Variants in LEF1 observed in about 807,000 individuals in gnomAD.
The protein encoded by LEF1 is lymphoid enhancer binding factor 1, also known as lymphoid enhancer-binding factor 1.
LEF1 carries 14 observed loss-of-function variants against 51.2 expected under a neutral mutation model. The ratio of observed to expected loss-of-function variants is 0.27; its 90% CI spans 0.18 to 0.43. The LOEUF is 0.43. LEF1 is among the 20% of genes least tolerant of loss of function. The probability of loss-of-function intolerance (pLI) is 1.00; values close to 1 mark genes in which losing one functional copy is unlikely to be tolerated. For missense variants in LEF1, 386 were observed against 512.0 expected, an observed-to-expected ratio of 0.75 and a Z score of 2.37; for synonymous variants, 185 against 183.2, an observed-to-expected ratio of 1.01 and a Z score of -0.08.
At chr4:108,095,615 T>C (rs936723732) in intron 3 of LEF1, among the ~76,000 whole-genome samples, 4 of 152,102 alleles carry the variant, frequency 2.6e-5, no homozygotes, top group African/African-American at 9.7e-5. Context: ...AAAACTGATA[T>C]TACCAGAGGC....
chr4:108,142,330 G>A (rs944892938), intron 3 of LEF1, among the ~76,000 whole-genome samples: 3 of 152,180 alleles, frequency 2.0e-5, no homozygotes, highest in African/African-American at 7.2e-5. Flanking sequence ...GGAAGAACAG[G>A]AAAGTCAAAG....
chr4:108,144,057 G>C (rs2110379072), intron 3 of LEF1, among the ~76,000 whole-genome samples: 1 of 152,276 alleles, frequency 6.6e-6, no homozygotes, highest in Middle Eastern at 3.4e-3. Context: ...CCTCAGAGGT[G>C]AGGAGTGGGG....
At chr4:108,149,351 C>T (rs1236281164) in intron 3 of LEF1, among the ~76,000 whole-genome samples, 7 of 145,352 alleles carry the variant, frequency 4.8e-5, no homozygotes, top group East Asian at 2.0e-4. Context: ...CCCGGCTACT[C>T]GGGAGGCTGA....
chr4:108,048,784 T>G, intron 11 of LEF1, 33 bp from the exon 12 acceptor site: 2 of 1,529,556 alleles, frequency 1.3e-6, no homozygotes, highest in Non-Finnish European at 1.8e-6. Flanking sequence ...GCTATTAATA[T>G]GAATTTGCCG....
chr4:108,166,091 C>A (rs1251876206), intron 1 of LEF1, among the ~76,000 whole-genome samples: 1 of 152,176 alleles, frequency 6.6e-6, no homozygotes, highest in African/African-American at 2.4e-5. Context: ...TTATTCGGTT[C>A]TCTGGACGTG....
intron 3 of LEF1, among the ~76,000 whole-genome samples, chr4:108,099,613 TATATAA>T (rs1473570181): frequency 4.0e-5 from 5 of 123,716 alleles, no homozygotes; most frequent in African/African-American, 1.6e-4. Flanking sequence ...TATATATATA[TATATAA>T]ATAATACTTG....
chr4:108,057,723 T>A (rs1322944326), intron 11 of LEF1, among the ~76,000 whole-genome samples: 1 of 152,054 alleles, frequency 6.6e-6, no homozygotes, highest in Non-Finnish European at 1.5e-5. Context: ...CCAGAAACAA[T>A]CTTCTTAAAA....
At chr4:108,146,796 G>C (rs1487848853) in intron 3 of LEF1, among the ~76,000 whole-genome samples, 1 of 152,130 alleles carries the variant, frequency 6.6e-6, no homozygotes, top group African/African-American at 2.4e-5. Flanking sequence ...TCACATATTG[G>C]ATTAGGGTTA....
At chr4:108,129,509 T>C (rs910813443) in intron 3 of LEF1, among the ~76,000 whole-genome samples, 11 of 152,186 alleles carry the variant, frequency 7.2e-5, no homozygotes, top group African/African-American at 2.7e-4. Context: ...TTTGAATGCT[T>C]TGTTCTATAA....
chr4:108,061,717 G>T (rs1215169666), intron 11 of LEF1, among the ~76,000 whole-genome samples: 1 of 152,106 alleles, frequency 6.6e-6, no homozygotes, highest in Non-Finnish European at 1.5e-5. Context: ...CTACTGGGGT[G>T]GGTGTCATCA....
At chr4:108,070,991 CATG>C in intron 8 of LEF1, 1 of 434,666 alleles carries the variant, frequency 2.3e-6, no homozygotes, top group Non-Finnish European at 4.1e-6. Context: ...TCTGATATCA[CATG>C]AAACACATCA....
intron 11 of LEF1, among the ~76,000 whole-genome samples, chr4:108,056,793 C>A (rs1210521352): frequency 6.6e-6 from 1 of 152,002 alleles, no homozygotes; most frequent in Non-Finnish European, 1.5e-5. Flanking sequence ...TCCTATGCAG[C>A]GATCTGGCAA....
At chr4:108,089,301 C>G (rs750183310) in intron 3 of LEF1, 44 bp from the exon 4 acceptor site, 5 of 1,583,444 alleles carry the variant, frequency 3.2e-6, no homozygotes, top group Non-Finnish European at 4.3e-6. Flanking sequence ...GGATGCCCAG[C>G]TCCAGTCTTT....
chr4:108,157,746 C>T (rs957386087), intron 3 of LEF1, among the ~76,000 whole-genome samples: 1 of 152,202 alleles, frequency 6.6e-6, no homozygotes, highest in African/African-American at 2.4e-5. Context: ...ACTGCCCTTG[C>T]AATTTTCCCT....
chr4:108,165,307 G>A (rs1020145506), intron 1 of LEF1, 144 bp from the exon 2 acceptor site: 11 of 720,710 alleles, frequency 1.5e-5, no homozygotes, highest in Non-Finnish European at 2.7e-5. Context: ...ACATACGCTA[G>A]TGTTTAGTAC....
chr4:108,167,497 C>G lies in LEF1; in HGVS notation c.213+58G>C. On this transcript the variant is annotated intron_variant, in intron 1 of 11. Transcript: ENST00000265165. This position sits in a 1 kb window ranked among gnomAD's most constrained non-coding sequence, Gnocchi z 5.7. ...GGGCGCCTTCGTTCCCTTCCTCCCT[C>G]TCTGAGTTTCCCAGGGACCCGCCAC... The G allele has an allele frequency of 1.3e-6, 2 of 1,578,764 alleles. No individual in the cohort carries two copies. Among genetic ancestry groups the G allele is most frequent in the Non-Finnish European group, 8.7e-7 (1 of 1,153,982 alleles).
chr4:108,126,869 ATGTGTGTGTGTG>A (rs34301406), intron 3 of LEF1, among the ~76,000 whole-genome samples: 1 of 146,454 alleles, frequency 6.8e-6, no homozygotes, highest in Non-Finnish European at 1.5e-5. Context: ...ATTTACTGAT[ATGTGTGTGTGTG>A]TGTGTGTGTG....
intron 3 of LEF1, among the ~76,000 whole-genome samples, chr4:108,100,205 C>A (rs558095057): frequency 6.6e-6 from 1 of 152,134 alleles, no homozygotes; most frequent in East Asian, 1.9e-4. Flanking sequence ...AAGCAGATTA[C>A]GTAAACTGGG....
At chr4:108,158,439 C>G (rs182196863) in intron 3 of LEF1, among the ~76,000 whole-genome samples, 1 of 151,892 alleles carries the variant, frequency 6.6e-6, no homozygotes, top group African/African-American at 2.4e-5. Flanking sequence ...AGAGAGAGCG[C>G]GCAACCTTTA....
Sources: gnomAD v4.1 joint callset for allele counts (sites outside exome capture counted in the v4.1 genomes callset) on GRCh38, gnomAD v4.1.1 for gene constraint, Gnocchi (gnomAD v3.1) non-coding constraint, MANE v1.5 for transcripts, NCBI Gene and HGNC (gene_info 2026-07-23, HGNC 2026-07-21) for gene names.